The following ZNHIT2 variants were observed in gnomAD, a reference collection of about 807,000 sequenced individuals.
ZNHIT2 encodes the protein zinc finger HIT-type containing 2.
In ZNHIT2, 16 loss-of-function variants were observed where a neutral mutation model predicts 18.0. That is an observed-to-expected ratio of 0.89 (90% CI 0.60 to 1.35). ZNHIT2 has a LOEUF of 1.35. ZNHIT2 is among the 40% of genes most tolerant of loss of function. The pLI, the probability that ZNHIT2 is intolerant of heterozygous loss-of-function variation, is 0.00. For missense variants in ZNHIT2, 631 were observed against 566.4 expected, an observed-to-expected ratio of 1.11 and a Z score of -1.16; for synonymous variants, 336 against 269.8, an observed-to-expected ratio of 1.25 and a Z score of -2.41.
Position 65,117,626 on chromosome 11 carries a change from A to G in ZNHIT2, c.28T>C (p.Cys10Arg). MEPAGPCGF[C>R]PAGEVQPARY... ...GCTGGCTGGACCTCCCCCGCCGGGCAGAAGCCACAGGGCCCGGCCGGCTCC... is the reference window on the plus strand; with the variant it reads ...GCTGGCTGGACCTCCCCCGCCGGGCGGAAGCCACAGGGCCCGGCCGGCTCC... Residue 10 changes from cysteine (C) to arginine (R), a missense_variant, in exon 1 of 1, where the codon TGC becomes CGC. Physicochemically the swap from Cys to Arg is radical, Grantham distance 180. Coordinates refer to ENST00000310597, the MANE Select transcript of ZNHIT2 (RefSeq NM_014205.4). The G allele has an allele frequency of 1.3e-6, 2 of 1,487,990 alleles. No homozygotes were observed. Among genetic ancestry groups the G allele is most frequent in the East Asian group, 5.2e-5 (2 of 38,680 alleles). The allele number at this position is 1,487,990 out of a possible 1,614,324, so 92.2% of individuals were successfully genotyped here.
At position 65,117,578 on chromosome 11, in the gene ZNHIT2, T is replaced by A; in HGVS notation, c.76A>T (p.Asn26Tyr). Reference protein sequence around the residue: ...QPARYTCPRCNAPYCSLRCYR... With the variant: ...QPARYTCPRCYAPYCSLRCYR... ...CAGCGCAGCGAGCAGTAGGGCGCAT[T>A]ACAGCGAGGGCAGGTGTAACGCGCT... is the stretch of plus-strand genomic sequence containing the variant. The change falls in exon 1 of 1, where the codon AAT becomes TAT. Residue 26 changes from asparagine (N) to tyrosine (Y), a missense_variant. Physicochemically the swap from Asn to Tyr is moderately radical, Grantham distance 143. Transcript: ENST00000310597. 1 of 1,573,634 alleles carries A rather than the reference T, an allele frequency of 6.4e-7. No homozygotes were observed. The highest frequency in any genetic ancestry group is 1.2e-5 in the South Asian group (1 of 86,752).
rs1948003098 is a variant in ZNHIT2, at chr11:65,117,287, G to A, written c.367C>T (p.Leu123=). 1.3e-6 allele frequency: 2 copies of A among 1,487,482 alleles called. No homozygotes were observed. Among genetic ancestry groups the A allele is most frequent in the Admixed American group, 2.4e-5 (1 of 42,236 alleles). The allele number at this position is 1,487,482 out of a possible 1,614,324, so 92.1% of individuals were successfully genotyped here. The change falls in exon 1 of 1, where the codon CTG becomes TTG. Residue 123 remains leucine, a synonymous_variant. Transcript: ENST00000310597. ...CACCACCACGGCCGCCATGGAGGCAGCAGCCGCCCGGCCTCACCGCGGCTC... is the reference window on the plus strand; with the variant it reads ...CACCACCACGGCCGCCATGGAGGCAACAGCCGCCCGGCCTCACCGCGGCTC... ...LLSRGEAGRL[L]PPWRPWWWNR...
Position 65,117,182 on chromosome 11 carries a change from G to C in ZNHIT2, c.472C>G (p.Pro158Ala), listed in dbSNP as rs754148530. 2 of 1,555,444 alleles carry C rather than the reference G, an allele frequency of 1.3e-6. No homozygotes were observed. The highest frequency in any genetic ancestry group is 1.7e-6 in the Non-Finnish European group (2 of 1,156,612). ...GSDAAELELA[P>A]ARTPPDSVKD... The stretch of plus-strand genomic sequence containing the variant: ...ACAGAATCCGGCGGGGTCCTCGCAG[G>C]GGCGAGCTCCAGCTCCGCGGCGTCA... Residue 158 changes from proline (P) to alanine (A), a missense_variant, in exon 1 of 1, where the codon CCT becomes GCT. Transcript: ENST00000310597.
Position 65,117,522 on chromosome 11 carries a change from G to A in ZNHIT2, c.132C>T (p.Asn44=). ...CYRTHGTCAE[N]FYRDQVLGEL... is the part of the protein sequence containing the mutation. Reference sequence around the variant, plus strand: ...CTCCCAGCACCTGGTCACGGTAGAAGTTTTCTGCGCAGGTGCCATGCGTCC... The same window carrying A: ...CTCCCAGCACCTGGTCACGGTAGAAATTTTCTGCGCAGGTGCCATGCGTCC... Residue 44 remains asparagine (N), a synonymous_variant, in exon 1 of 1, where the codon AAC becomes AAT. Transcript: ENST00000310597. 4 of 1,592,158 alleles carry A rather than the reference G, an allele frequency of 2.5e-6. No individual in the cohort carries two copies. Among genetic ancestry groups the A allele is most frequent in the East Asian group, 2.3e-5 (1 of 43,882 alleles).
At position 65,116,786 on chromosome 11, in the gene ZNHIT2, C is replaced by T. The variant is rs1381436651; in HGVS notation, c.868G>A (p.Val290Ile). The T allele has an allele frequency of 6.2e-7, 1 of 1,607,414 alleles. No homozygotes were observed. The highest frequency in any genetic ancestry group is 2.2e-5 in the East Asian group (1 of 44,654). The change falls in exon 1 of 1, where the codon GTC becomes ATC. Residue 290 changes from valine (V) to isoleucine (I), a missense_variant. Physicochemically the swap from Val to Ile is conservative, Grantham distance 29. Transcript: ENST00000310597. ...PLGTRGAMHE[V>I]ARILLGEGPT... is the part of the protein sequence containing the mutation. ...CCCTCGCCCAGCAGGATGCGGGCGA[C>T]CTCGTGCATAGCCCCTCGTGTGCCC...
In ZNHIT2 at chr11:65,117,081, G is replaced by T; in HGVS notation, c.573C>A (p.Val191=). The change falls in exon 1 of 1, where the codon GTC becomes GTA. Residue 191 remains valine (V), a synonymous_variant. Transcript: ENST00000310597. ...LGDVPGACTP[V]VPTRIPAIVS... ...CTATCGCGGGGATGCGGGTGGGTAC[G>T]ACGGGCGTGCAGGCCCCCGGGACAT... 6.3e-7 allele frequency: 1 copy of T among 1,593,010 alleles called. No individual in the cohort carries two copies. Among genetic ancestry groups the T allele is most frequent in the Non-Finnish European group, 8.5e-7 (1 of 1,172,754 alleles).
At position 65,116,876 on chromosome 11, in the gene ZNHIT2, C is replaced by T. The variant is rs532178892; in HGVS notation, c.778G>A (p.Ala260Thr). The T allele has an allele frequency of 1.9e-6, 3 of 1,602,996 alleles. No homozygotes were observed. In the South Asian group the frequency reaches 3.3e-5, roughly 18 times the overall value. Reference protein sequence around the residue: ...ALGAQQVFASAEEALQAAAHV... With the variant: ...ALGAQQVFASTEEALQAAAHV... ...GCTGCCGCCTGCAGGGCTTCTTCCG[C>T]AGAGGCGAAGACTTGCTGGGCACCC... Residue 260 changes from alanine (A) to threonine (T), a missense_variant, in exon 1 of 1, where the codon GCG becomes ACG. By Grantham distance (58) the Ala-to-Thr change is moderately conservative. Transcript: ENST00000310597.
At position 65,116,921 on chromosome 11, in the gene ZNHIT2, G is replaced by A. The variant is rs1222433065; in HGVS notation, c.733C>T (p.Leu245Phe). The A allele has an allele frequency of 3.1e-6, 5 of 1,597,078 alleles. No individual in the cohort carries two copies. In the East Asian group the frequency reaches 6.7e-5, roughly 21 times the overall value. ...GCACCCAGGGCTCCGGAAACGCCGA[G>A]CAGTGTGGCACAGAAGTCAGAGAGC... Reference protein sequence around the residue: ...ALLSDFCATLLGVSGALGAQQ... With the variant: ...ALLSDFCATLFGVSGALGAQQ... The change falls in exon 1 of 1, where the codon CTC becomes TTC. Residue 245 changes from leucine (L) to phenylalanine (F), a missense_variant. Leu to Phe is a conservative substitution (Grantham distance 22). Coordinates refer to ENST00000310597, the MANE Select transcript of ZNHIT2 (RefSeq NM_014205.4).
chr11:65,117,591 G>C lies in ZNHIT2; in HGVS notation c.63C>G (p.Thr21=), dbSNP rs1252656542. 2 of 1,551,800 alleles carry C rather than the reference G, an allele frequency of 1.3e-6. No homozygotes were observed. Among genetic ancestry groups the C allele is most frequent in the Non-Finnish European group, 1.7e-6 (2 of 1,156,914 alleles). The part of the protein sequence containing the change: ...PAGEVQPARY[T]CPRCNAPYCS... Reference sequence around the variant, plus strand: ...AGTAGGGCGCATTACAGCGAGGGCAGGTGTAACGCGCTGGCTGGACCTCCC... The same window carrying C: ...AGTAGGGCGCATTACAGCGAGGGCACGTGTAACGCGCTGGCTGGACCTCCC... Residue 21 remains threonine (T), a synonymous_variant, in exon 1 of 1, where the codon ACC becomes ACG. Transcript: ENST00000310597.
chr11:65,116,409 G>C lies in ZNHIT2; in HGVS notation c.*33C>G, dbSNP rs369887821. On this transcript the variant is annotated 3_prime_UTR_variant, in exon 1 of 1. Coordinates refer to ENST00000310597, the MANE Select transcript of ZNHIT2 (RefSeq NM_014205.4). ...CAGAAACAAGCAACAGGGCTGACCA[G>C]TCACAGCTTTATTAATGACCAGGGT... 1.2e-5 allele frequency: 18 copies of C among 1,509,146 alleles called. No individual in the cohort carries two copies. In the African/African-American group the frequency reaches 2.2e-4, roughly 19 times the overall value. The allele number at this position is 1,509,146 out of a possible 1,614,324, so 93.5% of individuals were successfully genotyped here. A position where few individuals can be genotyped will look rare whatever the true frequency, so the allele number is the denominator to read the frequency against.
Position 65,116,541 on chromosome 11 carries a change from T to A in ZNHIT2, c.1113A>T (p.Val371=). Residue 371 remains valine (V), a synonymous_variant, in exon 1 of 1, where the codon GTA becomes GTT. Transcript: ENST00000310597. ...CAGTGAGGGCGGCCACCTCCTCGGCTACCACAGCATGGGCTTGGTGAGCCC... is the reference window on the plus strand; with the variant it reads ...CAGTGAGGGCGGCCACCTCCTCGGCAACCACAGCATGGGCTTGGTGAGCCC... ...CARAHQAHAV[V]AEEVAALTGE... The A allele has an allele frequency of 6.4e-7, 1 of 1,553,982 alleles. No individual in the cohort carries two copies. Among genetic ancestry groups the A allele is most frequent in the Non-Finnish European group, 8.7e-7 (1 of 1,144,514 alleles).
Position 65,117,370 on chromosome 11 carries a change from A to G in ZNHIT2, c.284T>C (p.Leu95Pro). Residue 95 changes from leucine (L) to proline (P), a missense_variant, in exon 1 of 1, where the codon CTA becomes CCA. Coordinates refer to ENST00000310597, the MANE Select transcript of ZNHIT2 (RefSeq NM_014205.4). ...GLSSGPAPGG[L>P]SGLWERLAPG... The stretch of plus-strand genomic sequence containing the variant: ...CGCCAGCCGCTCCCAGAGTCCCGAT[A>G]GGCCGCCGGGCGCCGGGCCGGAGCT... 6.6e-7 allele frequency: 1 copy of G among 1,505,228 alleles called. No homozygotes were observed. The allele number at this position is 1,505,228 out of a possible 1,614,324, so 93.2% of individuals were successfully genotyped here. A position where few individuals can be genotyped will look rare whatever the true frequency, so the allele number is the denominator to read the frequency against.
In ZNHIT2 at chr11:65,116,942, A is replaced by C; in HGVS notation, c.712T>G (p.Ser238Ala). The change falls in exon 1 of 1, where the codon TCT (serine) becomes GCT (alanine). Residue 238 changes from serine (S) to alanine (A), a missense_variant. By Grantham distance (99) the Ser-to-Ala change is moderately conservative. Coordinates refer to ENST00000310597, the MANE Select transcript of ZNHIT2 (RefSeq NM_014205.4). ...LYHGGDDALL[S>A]DFCATLLGVS... is the part of the protein sequence containing the mutation. ...CCGAGCAGTGTGGCACAGAAGTCAG[A>C]GAGCAGCGCGTCGTCACCGCCGTGA... The C allele has an allele frequency of 6.3e-7, 1 of 1,597,868 alleles. No individual in the cohort carries two copies. The highest frequency in any genetic ancestry group is 1.7e-5 in the Admixed American group (1 of 59,646).
rs923083299 is a variant in ZNHIT2 at position 65,117,353 on chromosome 11, G to T, written c.301C>A (p.Arg101=). ...GCAGCTTTTTCGCCCGGCGCCAGCCGCTCCCAGAGTCCCGATAGGCCGCCG... is the reference window on the plus strand; with the variant it reads ...GCAGCTTTTTCGCCCGGCGCCAGCCTCTCCCAGAGTCCCGATAGGCCGCCG... The part of the protein sequence containing the change: ...APGGLSGLWE[R]LAPGEKAAFE... Residue 101 remains arginine (R), a synonymous_variant, in exon 1 of 1, where the codon CGG becomes AGG. Coordinates refer to ENST00000310597, the MANE Select transcript of ZNHIT2 (RefSeq NM_014205.4). 5.1e-5 allele frequency: 77 copies of T among 1,504,374 alleles called. No homozygotes were observed. The highest frequency in any genetic ancestry group is 9.5e-5 in the Admixed American group (4 of 42,046). 93.2% of individuals were successfully genotyped at this position (1,504,374 alleles called of 1,614,324 possible).
At position 65,116,946 on chromosome 11, in the gene ZNHIT2, C is replaced by A; in HGVS notation, c.708G>T (p.Leu236=). 6.3e-7 allele frequency: 1 copy of A among 1,597,636 alleles called. No homozygotes were observed. Among genetic ancestry groups the A allele is most frequent in the South Asian group, 1.1e-5 (1 of 90,508 alleles). ...LALYHGGDDA[L]LSDFCATLLG... is the part of the protein sequence containing the mutation. The stretch of plus-strand genomic sequence containing the variant: ...GCAGTGTGGCACAGAAGTCAGAGAG[C>A]AGCGCGTCGTCACCGCCGTGATACA... The change falls in exon 1 of 1, where the codon CTG becomes CTT. Residue 236 remains leucine (L), a synonymous_variant. Coordinates refer to ENST00000310597, the MANE Select transcript of ZNHIT2 (RefSeq NM_014205.4).
rs753815601 is a variant in ZNHIT2 at position 65,116,939 on chromosome 11, C to CA, written c.714dup (p.Asp239Ter). The CA allele has an allele frequency of 1.3e-6, 2 of 1,597,166 alleles. No homozygotes were observed. Among genetic ancestry groups the CA allele is most frequent in the Admixed American group, 3.4e-5 (2 of 59,594 alleles). On this transcript the variant is annotated frameshift_variant, in exon 1 of 1. Coordinates refer to ENST00000310597, the MANE Select transcript of ZNHIT2 (RefSeq NM_014205.4). LOFTEE classifies it high-confidence loss of function. ...ACGCCGAGCAGTGTGGCACAGAAGT[C>CA]AGAGAGCAGCGCGTCGTCACCGCCG... is the stretch of plus-strand genomic sequence containing the variant.
At position 65,117,267 on chromosome 11, in the gene ZNHIT2, C is replaced by A; in HGVS notation, c.387G>T (p.Trp129Cys). 1 of 1,492,468 alleles carries A rather than the reference C, an allele frequency of 6.7e-7. No homozygotes were observed. The highest frequency in any genetic ancestry group is 8.8e-7 in the Non-Finnish European group (1 of 1,130,844). 92.5% of individuals were successfully genotyped at this position (1,492,468 alleles called of 1,614,324 possible). The change falls in exon 1 of 1, where the codon TGG becomes TGT. Residue 129 changes from tryptophan (W) to cysteine (C), a missense_variant. Physicochemically the swap from Trp to Cys is radical, Grantham distance 215. Transcript: ENST00000310597. ...AGRLLPPWRP[W>C]WWNRGAGPQL... Reference sequence around the variant, plus strand: ...GCGGTCCGGCTCCGCGGTTCCACCACCACGGCCGCCATGGAGGCAGCAGCC... The same window carrying A: ...GCGGTCCGGCTCCGCGGTTCCACCAACACGGCCGCCATGGAGGCAGCAGCC...
rs757807935 is a variant in ZNHIT2, at chr11:65,116,816, G to T, written c.838C>A (p.Pro280Thr). The change falls in exon 1 of 1, where the codon CCC becomes ACC. Residue 280 changes from proline to threonine, a missense_variant. Coordinates refer to ENST00000310597, the MANE Select transcript of ZNHIT2 (RefSeq NM_014205.4). Reference sequence around the variant, plus strand: ...TGCATAGCCCCTCGTGTGCCCAGGGGCCCCGGCGGGTGCTCGCCTGCTTCC... The same window carrying T: ...TGCATAGCCCCTCGTGTGCCCAGGGTCCCCGGCGGGTGCTCGCCTGCTTCC... ...VLEAGEHPPG[P>T]LGTRGAMHEV... 1 of 1,608,900 alleles carries T rather than the reference G, an allele frequency of 6.2e-7. No individual in the cohort carries two copies. Among genetic ancestry groups the T allele is most frequent in the South Asian group, 1.1e-5 (1 of 90,904 alleles).
chr11:65,116,698 C>A lies in ZNHIT2; in HGVS notation c.956G>T (p.Arg319Leu). The A allele has an allele frequency of 6.2e-7, 1 of 1,613,832 alleles. No individual in the cohort carries two copies. Among genetic ancestry groups the A allele is most frequent in the Non-Finnish European group, 8.5e-7 (1 of 1,179,990 alleles). Reference sequence around the variant, plus strand: ...TCTAGCCACGGCCTGTTTCCGGGCACGGCCCAGGGTCTGTGCCAGGTCCCC... The same window carrying A: ...TCTAGCCACGGCCTGTTTCCGGGCAAGGCCCAGGGTCTGTGCCAGGTCCCC... ...ALGDLAQTLG[R>L]ARKQAVAREE... Residue 319 changes from arginine to leucine, a missense_variant, in exon 1 of 1, where the codon CGT becomes CTT. By Grantham distance (102) the Arg-to-Leu change is moderately radical (BLOSUM62 -2). Coordinates refer to ENST00000310597, the MANE Select transcript of ZNHIT2 (RefSeq NM_014205.4).
Sources: allele counts gnomAD v4.1 joint callset, GRCh38; gene constraint gnomAD v4.1.1; transcripts MANE v1.5; gene names NCBI Gene and HGNC (gene_info 2026-07-23, HGNC 2026-07-21).